The following HECW2 variants were observed in gnomAD, a reference collection of about 807,000 sequenced individuals.
The protein encoded by HECW2 is HECT, C2 and WW domain containing E3 ubiquitin protein ligase 2.
A neutral mutation model predicts 175.2 loss-of-function variants in HECW2; 61 were observed. The ratio of observed to expected loss-of-function variants is 0.35; its 90% CI spans 0.28 to 0.43. The LOEUF (loss-of-function observed/expected upper bound fraction) is 0.43. HECW2 is among the 20% of genes least tolerant of loss of function. The pLI, the probability that HECW2 is intolerant of heterozygous loss-of-function variation, is 1.00. For synonymous variants in HECW2, 671 were observed against 731.0 expected (o/e 0.92, Z 1.32); for missense variants, 1,524 against 2,000.5 (o/e 0.76, Z 4.54).
chr2:196,281,523 C>T (rs952807879), intron 14 of HECW2, among the ~76,000 whole-genome samples: 2 of 150,956 alleles, frequency 1.3e-5, no homozygotes, highest in African/African-American at 4.9e-5. Flanking sequence ...ACCTGTAGTC[C>T]CAGCTACTTG....
intron 28 of HECW2, among the ~76,000 whole-genome samples, chr2:196,201,696 G>A (rs1017965719): frequency 4.6e-5 from 7 of 152,044 alleles, no homozygotes; most frequent in African/African-American, 1.7e-4. Flanking sequence ...ACAAAGACAA[G>A]TTTGGTTTTT....
In HECW2 at chr2:196,318,719, G is replaced by A. The variant is rs143673662; in HGVS notation, c.2171C>T (p.Ser724Leu). The A allele has an allele frequency of 2.1e-5, 32 of 1,557,974 alleles. No individual in the cohort carries two copies. Among genetic ancestry groups the A allele is most frequent in the East Asian group, 1.1e-4 (5 of 43,954 alleles). The part of the protein sequence containing the change: ...SGEDEGPGAE[S>L]ATVPDQEELG... The stretch of plus-strand genomic sequence containing the variant: ...CTCCTCCTGGTCAGGTACAGTGGCC[G>A]ATTCTGCCCCTGGCCCTTCATCCTC... Residue 724 changes from serine (S) to leucine (L), a missense_variant, in exon 9 of 29, where the codon TCG becomes TTG. By Grantham distance (145) the Ser-to-Leu change is moderately radical (BLOSUM62 -2). Around this residue, in one of 11 missense-constraint regions of HECW2, gnomAD observed 604 missense variants for 588.3 expected, o/e 1.03. Transcript: ENST00000644978.
intron 1 of HECW2, among the ~76,000 whole-genome samples, chr2:196,509,864 AAC>A (rs1357644707): frequency 6.6e-6 from 1 of 152,216 alleles, no homozygotes; most frequent in Non-Finnish European, 1.5e-5. Context: ...GGTCTTGGCA[AAC>A]ACATAGCTTC....
chr2:196,398,846 C>T (rs940469075), intron 2 of HECW2, among the ~76,000 whole-genome samples: 1 of 152,048 alleles, frequency 6.6e-6, no homozygotes, highest in South Asian at 2.1e-4. Flanking sequence ...TGGTGGTGCA[C>T]GCCTGTAGTC....
chr2:196,592,813 C>T (rs1363493709), intron 1 of HECW2: 2 of 151,132 alleles, frequency 1.3e-5, no homozygotes, highest in African/African-American at 4.8e-5. Flanking sequence ...GGTGGGGACC[C>T]GGCCGCGGGG....
At chr2:196,401,901 G>A (rs577326564) in intron 2 of HECW2, among the ~76,000 whole-genome samples, 9 of 152,136 alleles carry the variant, frequency 5.9e-5, no homozygotes, top group Non-Finnish European at 8.8e-5. Context: ...ATAACTAGGC[G>A]TCATAAGAAG....
chr2:196,323,729 G>C (rs1269253978), intron 6 of HECW2, among the ~76,000 whole-genome samples: 1 of 152,032 alleles, frequency 6.6e-6, no homozygotes, highest in Non-Finnish European at 1.5e-5. Flanking sequence ...TCCCTTTCAG[G>C]CTTGCACTGG....
rs893033798 is a variant in HECW2, at chr2:196,200,001, G to C, written c.*1276C>G. The C allele has an allele frequency of 6.6e-6, 1 of 152,576 alleles. No individual in the cohort carries two copies. Among genetic ancestry groups the C allele is most frequent in the Non-Finnish European group, 1.5e-5 (1 of 68,026 alleles). 9.5% of individuals were successfully genotyped at this position (152,576 alleles called of 1,614,324 possible). On this transcript the variant is annotated 3_prime_UTR_variant, in exon 29 of 29. Coordinates refer to ENST00000644978, the MANE Select transcript of HECW2 (RefSeq NM_001348768.2). ...GTGTTGCTGATGGCTCCTTAACTGA[G>C]CTTAGTGTTTAATGATGCTGTACAA...
chr2:196,403,629 T>C (rs1207821677), intron 2 of HECW2, among the ~76,000 whole-genome samples: 4 of 152,220 alleles, frequency 2.6e-5, no homozygotes, highest in African/African-American at 9.6e-5. Context: ...TAACCTAGTC[T>C]GTGAAAAAAT....
At chr2:196,460,960 C>T (rs1696721904) in intron 1 of HECW2, among the ~76,000 whole-genome samples, 1 of 151,908 alleles carries the variant, frequency 6.6e-6, no homozygotes, top group African/African-American at 2.4e-5. Context: ...CACAGCACAG[C>T]ACAGGATCAA....
intron 28 of HECW2, among the ~76,000 whole-genome samples, chr2:196,213,200 T>C (rs1005067810): frequency 1.3e-5 from 2 of 152,224 alleles, no homozygotes; most frequent in African/African-American, 2.4e-5. Flanking sequence ...GTTCTTTTAA[T>C]TTTTTCCCTC....
intron 1 of HECW2, among the ~76,000 whole-genome samples, chr2:196,442,254 T>C (rs1364093266): frequency 6.6e-6 from 1 of 152,204 alleles, no homozygotes; most frequent in Admixed American, 6.5e-5. Flanking sequence ...AAAAATTGAA[T>C]CAATAAGTAT....
At chr2:196,210,289 TCTGTGTGC>T (rs1360016002) in intron 28 of HECW2, among the ~76,000 whole-genome samples, 1 of 151,942 alleles carries the variant, frequency 6.6e-6, no homozygotes, top group Non-Finnish European at 1.5e-5. Context: ...TATGTGTGTG[TCTGTGTGC>T]CTGTGTGTAC....
At chr2:196,210,566 C>G (rs1687243390) in intron 28 of HECW2, among the ~76,000 whole-genome samples, 1 of 151,590 alleles carries the variant, frequency 6.6e-6, no homozygotes, top group South Asian at 2.1e-4. Flanking sequence ...ACATATATTT[C>G]TTAGCAATTT....
intron 1 of HECW2, among the ~76,000 whole-genome samples, chr2:196,446,211 T>G (rs79508217): frequency 2.6e-5 from 4 of 152,130 alleles, no homozygotes; most frequent in African/African-American, 9.7e-5. Flanking sequence ...CCTTTGCATA[T>G]GCTATTCCCT....
chr2:196,583,709 A>C (rs1191804412), intron 1 of HECW2, among the ~76,000 whole-genome samples: 1 of 152,234 alleles, frequency 6.6e-6, no homozygotes, highest in African/African-American at 2.4e-5. Context: ...TATCTGATCT[A>C]TATAAATAAC....
intron 2 of HECW2, among the ~76,000 whole-genome samples, chr2:196,424,019 G>C (rs1253938236): frequency 1.3e-5 from 2 of 151,920 alleles, no homozygotes; most frequent in African/African-American, 4.8e-5. Flanking sequence ...CATTGAGCAA[G>C]TCTGTTGGTG....
At chr2:196,277,345 A>C (rs1196078952) in intron 15 of HECW2, among the ~76,000 whole-genome samples, 2 of 152,256 alleles carry the variant, frequency 1.3e-5, no homozygotes, top group African/African-American at 2.4e-5. Context: ...CTAATTTTAA[A>C]GAATACTAGT....
chr2:196,260,470 A>G (rs1451320687), intron 17 of HECW2: 1 of 152,222 alleles, frequency 6.6e-6, no homozygotes, highest in Non-Finnish European at 1.5e-5. Context: ...CTGGGAATCC[A>G]ATGGGGAGTA....
Sources: allele counts gnomAD v4.1 joint callset (sites outside exome capture counted in the v4.1 genomes callset), GRCh38; gene constraint gnomAD v4.1.1; regional missense constraint gnomAD v4.1.1; transcripts MANE v1.5; gene names NCBI Gene and HGNC (gene_info 2026-07-23, HGNC 2026-07-21).